The following TEX35 variants were observed in gnomAD, a reference collection of about 807,000 sequenced individuals.
TEX35 encodes the protein testis expressed 35.
A neutral mutation model predicts 31.9 loss-of-function variants in TEX35; 26 were observed. That is an observed-to-expected ratio of 0.81 (90% CI 0.60 to 1.13). The LOEUF (loss-of-function observed/expected upper bound fraction) is 1.13. Ranked by LOEUF, TEX35 falls within the 50% of genes most tolerant of loss-of-function variation. TEX35 has a pLI of 0.00. For synonymous variants in TEX35, 87 were observed against 90.7 expected (o/e 0.96, Z 0.23); for missense variants, 278 against 273.5 (o/e 1.02, Z -0.12).
In TEX35 at chr1:178,514,093, G is replaced by C. The variant is rs757037383; in HGVS notation, c.90+16G>C. On this transcript the variant is annotated intron_variant, in intron 2 of 8. Coordinates refer to ENST00000319416, the MANE Select transcript of TEX35 (RefSeq NM_032126.5). ...GCCGACCAAAGTAAGAAGCCCTTTT[G>C]AGGCCATGCAGGCAGCCAGGCCTGA... 3.1e-6 allele frequency: 5 copies of C among 1,614,228 alleles called. No homozygotes were observed. Among genetic ancestry groups the C allele is most frequent in the Non-Finnish European group, 4.2e-6 (5 of 1,180,054 alleles).
At chr1:178,521,508 T>G (rs766423523) in intron 8 of TEX35, 2 of 1,142,894 alleles carry the variant, frequency 1.7e-6, no homozygotes, top group East Asian at 5.1e-5. Context: ...GGTGCACCAC[T>G]AGTGGCGGAA....
intron 5 of TEX35, among the ~76,000 whole-genome samples, chr1:178,517,566 C>T (rs959809314): frequency 1.3e-5 from 2 of 152,186 alleles, no homozygotes; most frequent in South Asian, 2.1e-4. Flanking sequence ...CACCTCATAA[C>T]GATTAAGTCA....
In TEX35 at chr1:178,522,343, C is replaced by T; in HGVS notation, c.605C>T (p.Ala202Val). ...NYNRGNIPSEASGLYKGGEEP... is the reference protein window; with the variant it reads ...NYNRGNIPSEVSGLYKGGEEP... The stretch of plus-strand genomic sequence containing the variant: ...CCCAAAGGGAACATTCCTTCAGAGG[C>T]CTCAGGCCTTTACAAAGGTGGAGAG... Residue 202 changes from alanine to valine, a missense_variant, in exon 9 of 9, where the codon GCC becomes GTC. Coordinates refer to ENST00000319416, the MANE Select transcript of TEX35 (RefSeq NM_032126.5). 1 of 1,602,072 alleles carries T rather than the reference C, an allele frequency of 6.2e-7. No homozygotes were observed. Among genetic ancestry groups the T allele is most frequent in the Non-Finnish European group, 8.5e-7 (1 of 1,173,686 alleles).
chr1:178,522,479 C>A lies in TEX35; in HGVS notation c.*39C>A. ...GCTTGAAATGAGAGTAAAGAAGATA[C>A]AGAGCAAACAGTGTTTCAGAAACTG... On this transcript the variant is annotated 3_prime_UTR_variant, in exon 9 of 9. Coordinates refer to ENST00000319416, the MANE Select transcript of TEX35 (RefSeq NM_032126.5). 1.3e-6 allele frequency: 2 copies of A among 1,542,792 alleles called. No individual in the cohort carries two copies. Among genetic ancestry groups the A allele is most frequent in the Non-Finnish European group, 8.8e-7 (1 of 1,138,776 alleles).
At chr1:178,521,799 C>T (rs1055000747) in intron 8 of TEX35, 7 of 1,546,916 alleles carry the variant, frequency 4.5e-6, no homozygotes, top group Non-Finnish European at 6.1e-6. Flanking sequence ...TAAAAACCTT[C>T]ATTCAAAGCC....
chr1:178,520,214 A>G (rs1485263676), intron 5 of TEX35, among the ~76,000 whole-genome samples, 158 bp from the exon 6 acceptor site: 1 of 152,110 alleles, frequency 6.6e-6, no homozygotes, highest in Non-Finnish European at 1.5e-5. Context: ...GGAAGGGGAG[A>G]AGCTGTACAT....
chr1:178,521,027 C>T (rs1650259110), intron 7 of TEX35, 153 bp downstream of exon 7: 11 of 1,539,600 alleles, frequency 7.1e-6, no homozygotes, highest in Non-Finnish European at 8.7e-6. Flanking sequence ...CCCTCCCTGA[C>T]CTGCCTTGCC....
chr1:178,521,742 T>C, intron 8 of TEX35: 1 of 1,551,776 alleles, frequency 6.4e-7, no homozygotes, highest in Non-Finnish European at 8.7e-7. Flanking sequence ...AGTCAGGGCT[T>C]CTTGTCCTGT....
intron 3 of TEX35, 91 bp from the exon 4 acceptor site, chr1:178,515,768 G>A (rs1182898570): frequency 9.9e-7 from 1 of 1,011,340 alleles, no homozygotes; most frequent in East Asian, 2.6e-5. Context: ...CTCTGACAGT[G>A]TCCCAGGATC....
At chr1:178,521,987 T>C (rs774528246) in intron 8 of TEX35, 6 of 809,098 alleles carry the variant, frequency 7.4e-6, no homozygotes, top group African/African-American at 1.7e-5. Context: ...CTCCCTCCAT[T>C]CCACCTGGGT....
rs1436166420 is a variant in TEX35, at chr1:178,520,653, C to T, written c.342-20C>T. 1.2e-6 allele frequency: 2 copies of T among 1,612,110 alleles called. No homozygotes were observed. The highest frequency in any genetic ancestry group is 2.2e-5 in the East Asian group (1 of 44,830). ...AATGTCTCCCCAACTCTCTGCCCCT[C>T]CCTGGCCCTCCTCCCCCAGTCCCCT... On this transcript the variant is annotated intron_variant, in intron 6 of 8. Coordinates refer to ENST00000319416, the MANE Select transcript of TEX35 (RefSeq NM_032126.5).
intron 1 of TEX35, 122 bp from the exon 2 acceptor site, chr1:178,513,905 T>C (rs1649968057): frequency 1.3e-5 from 15 of 1,151,354 alleles, no homozygotes; most frequent in South Asian, 1.2e-4. Context: ...CTCAAGCCAG[T>C]TGGACAGGCA....
chr1:178,514,100 T>TGTAG (rs768277096), intron 2 of TEX35, 23 bp downstream of exon 2: 3 of 1,614,178 alleles, frequency 1.9e-6, no homozygotes, highest in South Asian at 2.2e-5. Flanking sequence ...TTTGAGGCCA[T>TGTAG]GCAGGCAGCC....
chr1:178,516,626 A>C lies in TEX35; in HGVS notation c.228A>C (p.Leu76=). ...KMEEIKQIKD[L]MDKDFDKLHE... ...TTCTTCCTTGTTAGATAAAGGATCT[A>C]ATGGACAAGGATTTTGATAAACTTC... is the stretch of plus-strand genomic sequence containing the variant. Residue 76 remains leucine (L), a synonymous_variant, in exon 5 of 9, where the codon CTA becomes CTC. Transcript: ENST00000319416. The C allele has an allele frequency of 6.2e-7, 1 of 1,613,630 alleles. No individual in the cohort carries two copies. The highest frequency in any genetic ancestry group is 8.5e-7 in the Non-Finnish European group (1 of 1,179,616).
chr1:178,520,989 T>G, intron 7 of TEX35, 115 bp downstream of exon 7: 1 of 1,552,418 alleles, frequency 6.4e-7, no homozygotes, highest in African/African-American at 1.4e-5. Context: ...CGCCCGCTGC[T>G]GACTTCTGGG....
chr1:178,516,750 C>A (rs890927163), intron 5 of TEX35, 76 bp downstream of exon 5: 2 of 976,914 alleles, frequency 2.0e-6, no homozygotes, highest in African/African-American at 1.7e-5. Context: ...CAGACCCTGC[C>A]CTCCAGGAGC....
At chr1:178,516,416 A>G (rs532297931) in intron 4 of TEX35, among the ~76,000 whole-genome samples, 199 bp from the exon 5 acceptor site, 2 of 152,358 alleles carry the variant, frequency 1.3e-5, no homozygotes, top group South Asian at 4.1e-4. Flanking sequence ...GCCAAGGCTG[A>G]TGGTGGTGGT....
At chr1:178,521,118 T>A in intron 7 of TEX35, 104 bp from the exon 8 acceptor site, 1 of 1,602,078 alleles carries the variant, frequency 6.2e-7, no homozygotes, top group Non-Finnish European at 8.5e-7. Context: ...TCCACCCTCT[T>A]ATTCTGTCCT....
At chr1:178,517,452 G>A (rs1392385190) in intron 5 of TEX35, among the ~76,000 whole-genome samples, 1 of 152,188 alleles carries the variant, frequency 6.6e-6, no homozygotes, top group Non-Finnish European at 1.5e-5. Flanking sequence ...GCTTGCCTGT[G>A]GATGAGAACC....
Sources: allele counts gnomAD v4.1 joint callset (sites outside exome capture counted in the v4.1 genomes callset), GRCh38; gene constraint gnomAD v4.1.1; transcripts MANE v1.5; gene names NCBI Gene and HGNC (gene_info 2026-07-23, HGNC 2026-07-21).